Variants in OLA1 observed in about 807,000 individuals in gnomAD.
The protein encoded by OLA1 is Obg like ATPase 1.
A neutral mutation model predicts 48.4 loss-of-function variants in OLA1; 14 were observed. The ratio of observed to expected loss-of-function variants is 0.29; its 90% CI spans 0.19 to 0.45. The LOEUF (loss-of-function observed/expected upper bound fraction) is 0.45, where lower values mean the gene tolerates loss of function less well. OLA1 is among the 20% of genes least tolerant of loss of function. The pLI is 1.00. For synonymous variants in OLA1, 127 were observed against 150.4 expected (o/e 0.84, Z 1.14); for missense variants, 325 against 467.1 (o/e 0.70, Z 2.80).
Position 174,141,891 on chromosome 2 carries a change from C to T in OLA1, c.483G>A (p.Gly161=), listed in dbSNP as rs760271493. 1.5e-5 allele frequency: 24 copies of T among 1,612,272 alleles called. No homozygotes were observed. Among genetic ancestry groups the T allele is most frequent in the South Asian group, 1.4e-4 (13 of 90,948 alleles). Reference sequence around the variant, plus strand: ...CCTTTTCTAGTTTATCTATAATGGGCCCAATCATTTCCTCATCTTTAAGCT... The same window carrying T: ...CCTTTTCTAGTTTATCTATAATGGGTCCAATCATTTCCTCATCTTTAAGCT... ...ELQLKDEEMI[G]PIIDKLEKVA... is the part of the protein sequence containing the mutation. The change falls in exon 5 of 11, where the codon GGG becomes GGA. Residue 161 remains glycine (G), a synonymous_variant. Coordinates refer to ENST00000284719, the MANE Select transcript of OLA1 (RefSeq NM_013341.5).
Position 174,139,234 on chromosome 2 carries a change from G to A in OLA1, c.549+2591C>T, listed in dbSNP as rs148759716. On this transcript the variant is annotated intron_variant, in intron 5 of 10. Coordinates refer to ENST00000284719, the MANE Select transcript of OLA1 (RefSeq NM_013341.5). ...TTATAAGAAGAGAGAAATTTGGACA[G>A]AGACACACAGGAAAGGTGGCCATGT... Among the ~76,000 whole-genome samples the A allele has an allele frequency of 1.7e-4, 26 of 152,298 alleles. No homozygotes were observed. The East Asian group carries it at 5.0e-3, about 29-fold the overall frequency.
At chr2:174,093,401 C>T (rs763787090) in intron 7 of OLA1, among the ~76,000 whole-genome samples, 37 of 151,856 alleles carry the variant, frequency 2.4e-4, no homozygotes, top group Non-Finnish European at 4.4e-4. Context: ...CCAGGAGAGG[C>T]TGCAGTGACC....
intron 7 of OLA1, among the ~76,000 whole-genome samples, chr2:174,115,958 T>C (rs989933735): frequency 7.2e-5 from 11 of 152,190 alleles, no homozygotes; most frequent in African/African-American, 2.7e-4. Context: ...CCTAAGATAA[T>C]ACATGACACA....
At chr2:174,239,452 AG>A (rs1235262406) in intron 2 of OLA1, among the ~76,000 whole-genome samples, 2 of 152,190 alleles carry the variant, frequency 1.3e-5, no homozygotes, top group African/African-American at 4.8e-5. Context: ...ATTAATTATG[AG>A]GAAACATCAG....
At chr2:174,080,663 C>A (rs1488220131) in intron 9 of OLA1, among the ~76,000 whole-genome samples, 1 of 152,114 alleles carries the variant, frequency 6.6e-6, no homozygotes, top group Non-Finnish European at 1.5e-5. Context: ...AATTATTACA[C>A]GTTGAGTTTA....
intron 4 of OLA1, among the ~76,000 whole-genome samples, chr2:174,212,049 T>A (rs1433865846): frequency 1.3e-5 from 2 of 152,192 alleles, no homozygotes; most frequent in African/African-American, 4.8e-5. Flanking sequence ...TGAGTACTAT[T>A]CCCAACTACA....
chr2:174,114,321 G>A (rs1454668292), intron 7 of OLA1, among the ~76,000 whole-genome samples: 1 of 119,196 alleles, frequency 8.4e-6, no homozygotes, highest in Non-Finnish European at 1.6e-5. Context: ...CAGCCTGGGC[G>A]ACAGAGCAAG....
At chr2:174,203,668 G>C (rs2105434552) in intron 4 of OLA1, among the ~76,000 whole-genome samples, 1 of 151,758 alleles carries the variant, frequency 6.6e-6, no homozygotes, top group South Asian at 2.1e-4. Context: ...TGGTTCCCCA[G>C]CTCCTCCATT....
chr2:174,084,321 G>A (rs749662152), intron 7 of OLA1, among the ~76,000 whole-genome samples: 21 of 152,296 alleles, frequency 1.4e-4, no homozygotes, highest in Admixed American at 4.6e-4. Flanking sequence ...AAAAGGTACC[G>A]TAGCACTCTC....
chr2:174,234,283 T>G (rs1688798974), intron 2 of OLA1, among the ~76,000 whole-genome samples: 1 of 152,214 alleles, frequency 6.6e-6, no homozygotes, highest in Non-Finnish European at 1.5e-5. Flanking sequence ...TATAGAATAA[T>G]ACAACATACA....
At chr2:174,088,238 C>A (rs1685028082) in intron 7 of OLA1, among the ~76,000 whole-genome samples, 1 of 152,174 alleles carries the variant, frequency 6.6e-6, no homozygotes, top group Non-Finnish European at 1.5e-5. Flanking sequence ...TACCATTAAT[C>A]CAGGGGGTTC....
intron 7 of OLA1, among the ~76,000 whole-genome samples, chr2:174,097,139 G>A (rs1685275742): frequency 6.6e-6 from 1 of 152,120 alleles, no homozygotes. Flanking sequence ...CTGGGCGAAA[G>A]AGCAAAACTC....
At chr2:174,163,701 T>TA (rs1260271230) in intron 4 of OLA1, among the ~76,000 whole-genome samples, 1 of 39,400 alleles carries the variant, frequency 2.5e-5, no homozygotes, top group African/African-American at 1.2e-4. Context: ...AAAAATAAAA[T>TA]AAATAAATAA....
At chr2:174,161,062 A>G (rs1687000046) in intron 4 of OLA1, among the ~76,000 whole-genome samples, 1 of 152,244 alleles carries the variant, frequency 6.6e-6, no homozygotes, top group Admixed American at 6.5e-5. Context: ...TGCAACGTTA[A>G]AAAGATCATG....
At chr2:174,244,937 T>C (rs1235198080) in intron 2 of OLA1, among the ~76,000 whole-genome samples, 1 of 152,144 alleles carries the variant, frequency 6.6e-6, no homozygotes, top group Non-Finnish European at 1.5e-5. Flanking sequence ...CAGCCAATTT[T>C]TTAAAAAAAT....
At chr2:174,093,058 G>C (rs1685163774) in intron 7 of OLA1, among the ~76,000 whole-genome samples, 2 of 152,332 alleles carry the variant, frequency 1.3e-5, no homozygotes, top group East Asian at 3.9e-4. Context: ...CTTGTGTTCA[G>C]ACTAAGTGGC....
chr2:174,203,749 C>T (rs1246492017), intron 4 of OLA1, among the ~76,000 whole-genome samples: 2 of 151,838 alleles, frequency 1.3e-5, no homozygotes, highest in African/African-American at 4.8e-5. Context: ...TAAGTTATTC[C>T]CTATGTATAC....
At chr2:174,244,716 C>T (rs1050774289) in intron 2 of OLA1, among the ~76,000 whole-genome samples, 1 of 152,056 alleles carries the variant, frequency 6.6e-6, no homozygotes, top group Non-Finnish European at 1.5e-5. Flanking sequence ...CTCCACCCCC[C>T]GGGCTCAAGC....
chr2:174,101,984 T>C (rs1047435077), intron 7 of OLA1, among the ~76,000 whole-genome samples: 13 of 152,146 alleles, frequency 8.5e-5, no homozygotes, highest in Non-Finnish European at 1.8e-4. Flanking sequence ...AATAGGCAGT[T>C]TAGTTTTATA....
Sources: gnomAD v4.1 joint callset for allele counts (sites outside exome capture counted in the v4.1 genomes callset) on GRCh38, gnomAD v4.1.1 for gene constraint, MANE v1.5 for transcripts, NCBI Gene and HGNC (gene_info 2026-07-23, HGNC 2026-07-21) for gene names.